Variants in SARDH observed in about 807,000 individuals in gnomAD.
The protein encoded by SARDH is sarcosine dehydrogenase, also known as sarcosine dehydrogenase, mitochondrial.
In SARDH, 95 loss-of-function variants were observed where a neutral mutation model predicts 109.1. That is an observed-to-expected ratio of 0.87 (90% CI 0.74 to 1.03). The LOEUF (loss-of-function observed/expected upper bound fraction) is 1.03. Ranked by LOEUF, SARDH falls within the 50% of genes least tolerant of loss-of-function variation. SARDH has a pLI of 0.00. For missense variants in SARDH, 1,267 were observed against 1,287.8 expected, an observed-to-expected ratio of 0.98 and a Z score of 0.25; for synonymous variants, 572 against 534.8, an observed-to-expected ratio of 1.07 and a Z score of -0.96.
At chr9:133,696,489 C>G (rs1326587230) in intron 13 of SARDH, 128 bp from the exon 14 acceptor site, 3 of 1,158,374 alleles carry the variant, frequency 2.6e-6, no homozygotes, top group African/African-American at 1.5e-5. Flanking sequence ...TCTTCCAGCC[C>G]GCACCAAGCC....
chr9:133,664,566 T>G (rs755432838), intron 20 of SARDH, among the ~76,000 whole-genome samples: 5 of 152,130 alleles, frequency 3.3e-5, no homozygotes, highest in Non-Finnish European at 7.4e-5. Context: ...CTGGCACAGC[T>G]GGTGACGCCT....
chr9:133,713,936 C>G (rs1832026694), intron 8 of SARDH, among the ~76,000 whole-genome samples: 1 of 152,248 alleles, frequency 6.6e-6, no homozygotes. Context: ...CATGTCCCAG[C>G]CCTCGAGGAG....
intron 14 of SARDH, among the ~76,000 whole-genome samples, chr9:133,695,058 C>G (rs1363161755): frequency 6.6e-6 from 1 of 152,138 alleles, no homozygotes; most frequent in Non-Finnish European, 1.5e-5. Flanking sequence ...AAGTCCTCAC[C>G]AGGACTGGGA....
Position 133,719,298 on chromosome 9 carries a change from C to A in SARDH, c.916-256G>T, listed in dbSNP as rs187432551. On this transcript the variant is annotated intron_variant, in intron 6 of 20. Transcript: ENST00000439388. Reference sequence around the variant, plus strand: ...GGGGAAGAAGGAAGAAGGAATGGATCGAGGAAGAGAGCAAGGGAGGAAGGG... The same window carrying A: ...GGGGAAGAAGGAAGAAGGAATGGATAGAGGAAGAGAGCAAGGGAGGAAGGG... Among the ~76,000 whole-genome samples the A allele has an allele frequency of 6.6e-5, 10 of 152,150 alleles. No homozygotes were observed. In the East Asian group the frequency reaches 1.2e-3, roughly 18 times the overall value.
At chr9:133,687,818 A>G (rs1830938550) in intron 16 of SARDH, among the ~76,000 whole-genome samples, 1 of 152,236 alleles carries the variant, frequency 6.6e-6, no homozygotes, top group Non-Finnish European at 1.5e-5. Flanking sequence ...TGCAGCCTTT[A>G]TCAGCAGCAC....
At chr9:133,724,437 T>C (rs551526142) in intron 6 of SARDH, among the ~76,000 whole-genome samples, 1 of 152,160 alleles carries the variant, frequency 6.6e-6, no homozygotes, top group East Asian at 1.9e-4. Context: ...ATCAGGGAGA[T>C]GCAAATCAAA....
chr9:133,670,025 T>C (rs538570535), intron 19 of SARDH, among the ~76,000 whole-genome samples: 151 of 152,308 alleles, frequency 9.9e-4, no homozygotes, highest in Admixed American at 2.7e-3. Flanking sequence ...TGCGCAACCT[T>C]ACACTGGCCT....
intron 2 of SARDH, among the ~76,000 whole-genome samples, chr9:133,733,445 C>T (rs887429600): frequency 1.3e-5 from 2 of 152,196 alleles, no homozygotes; most frequent in Non-Finnish European, 2.9e-5. Flanking sequence ...ACTGTAGAAG[C>T]CTCTGGTGCT....
chr9:133,681,789 C>T (rs1045370287), intron 17 of SARDH, among the ~76,000 whole-genome samples: 14 of 152,310 alleles, frequency 9.2e-5, no homozygotes, highest in Admixed American at 6.5e-4. Context: ...GGCCGGTGCG[C>T]GGCGTGTTTC....
intron 17 of SARDH, among the ~76,000 whole-genome samples, chr9:133,684,328 G>C (rs1180561834): frequency 6.6e-6 from 1 of 152,224 alleles, no homozygotes; most frequent in Non-Finnish European, 1.5e-5. Flanking sequence ...TGCTGAGGTT[G>C]GGAGACCCTG....
rs760455863 is a variant in SARDH at position 133,732,514 on chromosome 9, T to C, written c.419A>G (p.Glu140Gly). ...GATCCAGCCCGTGTGTAGTCCCGTC[T>C]CCTCCTCCAGCTCCCGGCTCACCAC... Reference protein sequence around the residue: ...RRVVSRELEEETGLHTGWIQN... With the variant: ...RRVVSRELEEGTGLHTGWIQN... The change falls in exon 3 of 21, where the codon GAG (glutamate) becomes GGG (glycine). Residue 140 changes from glutamate to glycine, a missense_variant. Transcript: ENST00000439388. 1.9e-6 allele frequency: 3 copies of C among 1,613,484 alleles called. No individual in the cohort carries two copies. Among genetic ancestry groups the C allele is most frequent in the Non-Finnish European group, 2.5e-6 (3 of 1,179,788 alleles).
chr9:133,691,363 T>C (rs1199159160), intron 15 of SARDH, among the ~76,000 whole-genome samples: 2 of 152,106 alleles, frequency 1.3e-5, no homozygotes, highest in African/African-American at 2.4e-5. Flanking sequence ...GCCCTGACCA[T>C]CCATGATCAA....
chr9:133,726,615 A>T (rs550269769), intron 6 of SARDH, among the ~76,000 whole-genome samples: 1 of 152,182 alleles, frequency 6.6e-6, no homozygotes, highest in East Asian at 1.9e-4. Flanking sequence ...GTTCAGCATC[A>T]GCGTCCAGTG....
rs1439162611 is a variant in SARDH, at chr9:133,730,063, C to T, written c.814+1G>A. The T allele has an allele frequency of 6.2e-7, 1 of 1,614,040 alleles. No homozygotes were observed. The highest frequency in any genetic ancestry group is 2.2e-5 in the East Asian group (1 of 44,882). ...GGAGTCAGGAGAAATGCCACTCGCA[C>T]CTGCACAGTTGACCACGCAGGGTGT... is the stretch of plus-strand genomic sequence containing the variant. On this transcript the variant is annotated splice_donor_variant, in intron 5 of 20. Coordinates refer to ENST00000439388, the MANE Select transcript of SARDH (RefSeq NM_001134707.2). LOFTEE classifies it high-confidence loss of function.
rs1289823907 is a variant in SARDH at position 133,666,943 on chromosome 9, G to C, written c.2496-73C>G. ...GGGACGCGTCCACAGCGGCCTGGAG[G>C]AGAATGGGGGGCTGCATGATGCACA... is the stretch of plus-strand genomic sequence containing the variant. On this transcript the variant is annotated intron_variant, in intron 19 of 20. Transcript: ENST00000439388. The surrounding 1 kb of genome is among the most constrained non-coding windows in gnomAD (Gnocchi z 5.2). The C allele has an allele frequency of 6.3e-7, 1 of 1,579,194 alleles. No homozygotes were observed. The highest frequency in any genetic ancestry group is 8.6e-7 in the Non-Finnish European group (1 of 1,160,542).
At chr9:133,695,649 G>T (rs2502738) in intron 14 of SARDH, among the ~76,000 whole-genome samples, 55,921 of 143,550 alleles carry the variant, frequency 0.39, 10,666 homozygotes, top group East Asian at 0.52. Flanking sequence ...CAATAAATTG[G>T]TGTTGTTTTA....
Position 133,695,563 on chromosome 9 carries a change from A to G in SARDH, c.1807+660T>C, listed in dbSNP as rs562199515. Reference sequence around the variant, plus strand: ...ACTCCCGGCCACCACCAGCAGCTGGAAGAGCAAGGAAGGGTCCTCTGCAGA... The same window carrying G: ...ACTCCCGGCCACCACCAGCAGCTGGGAGAGCAAGGAAGGGTCCTCTGCAGA... On this transcript the variant is annotated intron_variant, in intron 14 of 20. Transcript: ENST00000439388. Among the ~76,000 whole-genome samples the G allele has an allele frequency of 6.6e-5, 10 of 152,326 alleles. No homozygotes were observed. In the East Asian group the frequency reaches 1.7e-3, roughly 26 times the overall value.
intron 4 of SARDH, among the ~76,000 whole-genome samples, chr9:133,730,462 CT>C (rs66513485): frequency 1.3e-5 from 1 of 76,418 alleles, no homozygotes; most frequent in African/African-American, 5.4e-5. Flanking sequence ...AAGTAGCTGA[CT>C]TTTTTTTAAA....
At chr9:133,675,342 C>T (rs536376744) in intron 17 of SARDH, among the ~76,000 whole-genome samples, 110 of 127,526 alleles carry the variant, frequency 8.6e-4, no homozygotes, top group African/African-American at 3.3e-3. Flanking sequence ...CAGAGTGAGA[C>T]TCCATTTAAA....
Sources: gnomAD v4.1 joint callset for allele counts (sites outside exome capture counted in the v4.1 genomes callset) on GRCh38, gnomAD v4.1.1 for gene constraint, Gnocchi (gnomAD v3.1) non-coding constraint, MANE v1.5 for transcripts, NCBI Gene and HGNC (gene_info 2026-07-23, HGNC 2026-07-21) for gene names.